Variants in GCA observed in about 807,000 individuals in gnomAD.
GCA encodes the protein grancalcin, also known as grancalcin, EF-hand calcium-binding protein.
GCA carries 30 observed loss-of-function variants against 32.6 expected under a neutral mutation model. That is an observed-to-expected ratio of 0.92 (90% CI 0.69 to 1.25). GCA has a LOEUF of 1.25. GCA is among the 50% of genes most tolerant of loss of function. The pLI is 0.00. For synonymous variants in GCA, 102 were observed against 84.6 expected (o/e 1.21, Z -1.13); for missense variants, 291 against 266.8 (o/e 1.09, Z -0.63).
chr2:162,366,254 G>A (rs187288217), downstream of GCA, among the ~76,000 whole-genome samples: 7 of 151,716 alleles, frequency 4.6e-5, no homozygotes, highest in East Asian at 1.4e-3. Flanking sequence ...TATTTTACTG[G>A]CAGTATTTCT....
chr2:162,327,181 A>G (rs1170068916), intron 1 of GCA, among the ~76,000 whole-genome samples: 1 of 152,128 alleles, frequency 6.6e-6, no homozygotes, highest in Non-Finnish European at 1.5e-5. Flanking sequence ...CCTTAGGCCC[A>G]GTTTTTCTTT....
downstream of GCA, chr2:162,373,711 T>G: frequency 7.7e-7 from 1 of 1,300,316 alleles, no homozygotes; most frequent in Non-Finnish European, 1.0e-6. Flanking sequence ...TAGTCCAGAA[T>G]TTCAGGAGCA....
Position 162,361,088 on chromosome 2 carries a change from A to G in GCA, c.*845A>G, listed in dbSNP as rs2105356441. The G allele has an allele frequency of 1.1e-6, 1 of 948,222 alleles. No homozygotes were observed. Among genetic ancestry groups the G allele is most frequent in the Non-Finnish European group, 1.3e-6 (1 of 791,364 alleles). The allele number at this position is 948,222 out of a possible 1,614,324, so 58.7% of individuals were successfully genotyped here. On this transcript the variant is annotated 3_prime_UTR_variant, in exon 8 of 8. Coordinates refer to ENST00000437150, the MANE Select transcript of GCA (RefSeq NM_012198.5). ...TTTAAATGTAATGTCAACTCTTTATAAACTTAAAAATAAACAAGTAATTAA... is the reference window on the plus strand; with the variant it reads ...TTTAAATGTAATGTCAACTCTTTATGAACTTAAAAATAAACAAGTAATTAA...
upstream of GCA, among the ~76,000 whole-genome samples, chr2:162,342,913 T>C (rs1684498655): frequency 6.6e-6 from 1 of 152,236 alleles, no homozygotes; most frequent in African/African-American, 2.4e-5. Flanking sequence ...TTCCCCTCTA[T>C]TTATTTATGC....
At chr2:162,335,604 A>G (rs1684242904) in intron 1 of GCA, among the ~76,000 whole-genome samples, 1 of 152,178 alleles carries the variant, frequency 6.6e-6, no homozygotes, top group Non-Finnish European at 1.5e-5. Flanking sequence ...GATGAAACTT[A>G]ATCTAAAGCT....
At chr2:162,328,161 A>G (rs564405179) in intron 1 of GCA, among the ~76,000 whole-genome samples, 1 of 147,918 alleles carries the variant, frequency 6.8e-6, no homozygotes, top group South Asian at 2.1e-4. Flanking sequence ...TGAGTGGATC[A>G]CCTGAAGTCA....
chr2:162,341,267 TTATATATATATATA>T (rs3052040), upstream of GCA, among the ~76,000 whole-genome samples: 2,903 of 116,252 alleles, frequency 0.025, 133 homozygotes, highest in African/African-American at 0.09. Flanking sequence ...CTTATTTATT[TTATATATATATATA>T]TATATATATA....
At chr2:162,369,933 C>T (rs775932615) in intron 4 of GCA, among the ~76,000 whole-genome samples, 2 of 152,072 alleles carry the variant, frequency 1.3e-5, no homozygotes, top group Non-Finnish European at 2.9e-5. Flanking sequence ...ATAATTATTG[C>T]ACTTTTGTAT....
intron 4 of GCA, among the ~76,000 whole-genome samples, chr2:162,369,101 A>G (rs1685843510): frequency 1.3e-5 from 2 of 152,124 alleles, no homozygotes; most frequent in African/African-American, 2.4e-5. Flanking sequence ...AGCATTTGCT[A>G]CACTGCCATT....
In GCA at chr2:162,356,501, G is replaced by T; in HGVS notation, c.306+20G>T. On this transcript the variant is annotated intron_variant, in intron 4 of 7. Transcript: ENST00000437150. ...TTGGATGTATCCTTGAATAGAAATA[G>T]AAAATACTAGAATAAAGAGTAATTG... is the stretch of plus-strand genomic sequence containing the variant. The T allele has an allele frequency of 6.9e-7, 1 of 1,442,990 alleles. No individual in the cohort carries two copies. Among genetic ancestry groups the T allele is most frequent in the Non-Finnish European group, 9.8e-7 (1 of 1,025,522 alleles). 89.4% of individuals were successfully genotyped at this position (1,442,990 alleles called of 1,614,324 possible).
chr2:162,367,024 T>C (rs894836444), downstream of GCA, among the ~76,000 whole-genome samples: 1 of 151,962 alleles, frequency 6.6e-6, no homozygotes, highest in Non-Finnish European at 1.5e-5. Flanking sequence ...ACAGATTTAC[T>C]GTAAGAAATA....
At chr2:162,344,434 G>C in intron 1 of GCA, 159 bp downstream of exon 1, 1 of 685,196 alleles carries the variant, frequency 1.5e-6, no homozygotes, top group Non-Finnish European at 2.5e-6. Flanking sequence ...CCAGGGCCTG[G>C]GCGAGCATTG....
chr2:162,356,916 T>G lies in GCA; in HGVS notation c.454+11T>G. ...CCATTGGTCTTATGGGTAAGAACAT[T>G]AACATTCTTTAGAATCTATAAAGCT... On this transcript the variant is annotated intron_variant, in intron 5 of 7. Coordinates refer to ENST00000437150, the MANE Select transcript of GCA (RefSeq NM_012198.5). The G allele has an allele frequency of 1.3e-6, 2 of 1,565,742 alleles. No individual in the cohort carries two copies. Among genetic ancestry groups the G allele is most frequent in the Non-Finnish European group, 1.7e-6 (2 of 1,144,986 alleles).
chr2:162,370,841 G>T (rs1320797818), intron 4 of GCA, among the ~76,000 whole-genome samples: 4 of 152,054 alleles, frequency 2.6e-5, no homozygotes. Flanking sequence ...AAGGCCTGCT[G>T]CACTCTTGAC....
intron 5 of GCA, among the ~76,000 whole-genome samples, chr2:162,358,479 G>A (rs1043811747): frequency 1.3e-5 from 2 of 151,302 alleles, no homozygotes; most frequent in African/African-American, 2.4e-5. Flanking sequence ...AAGGAAATCA[G>A]TGAAATAGCG....
intron 1 of GCA, among the ~76,000 whole-genome samples, chr2:162,329,872 C>G (rs1383732519): frequency 6.6e-6 from 1 of 151,966 alleles, no homozygotes; most frequent in Non-Finnish European, 1.5e-5. Context: ...GTGTGTCGTT[C>G]CCCCATGTGT....
At chr2:162,336,100 T>C (rs1684262770) in intron 1 of GCA, among the ~76,000 whole-genome samples, 1 of 152,222 alleles carries the variant, frequency 6.6e-6, no homozygotes, top group African/African-American at 2.4e-5. Context: ...AAGAACTGAA[T>C]ATCAGCTGAT....
At chr2:162,323,374 T>C (rs942614316) in intron 1 of GCA, among the ~76,000 whole-genome samples, 14 of 151,910 alleles carry the variant, frequency 9.2e-5, no homozygotes, top group Non-Finnish European at 1.9e-4. Flanking sequence ...TTCACTCTAA[T>C]GGTAGTTTCT....
chr2:162,322,915 A>G (rs149107889), intron 1 of GCA, among the ~76,000 whole-genome samples: 3,806 of 151,944 alleles, frequency 0.025, 227 homozygotes, highest in African/African-American at 0.087. Context: ...TCCTTTGAGT[A>G]TATACCCAGT....
Sources: allele counts gnomAD v4.1 joint callset (sites outside exome capture counted in the v4.1 genomes callset), GRCh38; gene constraint gnomAD v4.1.1; transcripts MANE v1.5; gene names NCBI Gene and HGNC (gene_info 2026-07-23, HGNC 2026-07-21).